The following ALG1 variants were observed in gnomAD, a reference collection of about 807,000 sequenced individuals.
The protein encoded by ALG1 is chitobiosyldiphosphodolichol beta-mannosyltransferase.
ALG1 carries 58 observed loss-of-function variants against 55.1 expected under a neutral mutation model. The observed-to-expected ratio is 1.05, with a 90% CI of 0.85 to 1.31. ALG1 has a LOEUF of 1.31. Among genes scored for constraint, ALG1 ranks in the 50% most tolerant of loss-of-function variants. The pLI, the probability that ALG1 is intolerant of heterozygous loss-of-function variation, is 0.00. For synonymous variants in ALG1, 309 were observed against 247.0 expected (o/e 1.25, Z -2.35); for missense variants, 761 against 598.6 (o/e 1.27, Z -2.83).
At chr16:5,074,627 G>T (rs778507275) in intron 3 of ALG1, among the ~76,000 whole-genome samples, 90 of 152,284 alleles carry the variant, frequency 5.9e-4, no homozygotes, top group Non-Finnish European at 1.1e-3. Flanking sequence ...TTCTTTCTTA[G>T]GGTAACTTCC....
intron 9 of ALG1, 133 bp downstream of exon 9, chr16:5,079,940 C>G: frequency 8.3e-7 from 1 of 1,211,516 alleles, no homozygotes; most frequent in South Asian, 1.3e-5. Context: ...GGGTCTTATA[C>G]TGCTTGACAT....
At chr16:5,083,638 G>A (rs568340438) in intron 11 of ALG1, 44 bp from the exon 12 acceptor site, 9 of 1,600,266 alleles carry the variant, frequency 5.6e-6, no homozygotes, top group African/African-American at 4.0e-5. Context: ...GGGGTCTGGT[G>A]TCTTCTACAG....
chr16:5,076,662 A>G (rs1410295792), intron 4 of ALG1, among the ~76,000 whole-genome samples: 3 of 152,206 alleles, frequency 2.0e-5, no homozygotes, highest in Non-Finnish European at 4.4e-5. Flanking sequence ...AGTCTCCGTT[A>G]GGAGAGAATG....
At chr16:5,084,366 T>C (rs1957074516) in intron 12 of ALG1, 2 of 405,662 alleles carry the variant, frequency 4.9e-6, no homozygotes, top group Non-Finnish European at 9.3e-6. Flanking sequence ...CTGCAGGCTG[T>C]AGTTTGTGAT....
intron 3 of ALG1, 190 bp downstream of exon 3, chr16:5,073,446 G>A: frequency 1.6e-6 from 1 of 639,584 alleles, no homozygotes; most frequent in South Asian, 1.8e-5. Context: ...ATTACAGATA[G>A]TCTTACATTG....
chr16:5,083,077 T>C (rs528701458), intron 11 of ALG1, among the ~76,000 whole-genome samples: 4 of 152,318 alleles, frequency 2.6e-5, no homozygotes, highest in Admixed American at 6.5e-5. Context: ...ATGTCCCTTT[T>C]GGCCAAGCTC....
At chr16:5,078,317 C>G in intron 6 of ALG1, 1 of 623,064 alleles carries the variant, frequency 1.6e-6, no homozygotes, top group Non-Finnish European at 3.0e-6. Flanking sequence ...TGGACCCCTG[C>G]GCTGTCTTAC....
rs34927441 is a variant in ALG1 at position 5,080,073 on chromosome 16, C to CTT, written c.961+281_961+282dup. On this transcript the variant is annotated intron_variant, in intron 9 of 12. Transcript: ENST00000262374. ...TTTGTTGTTGTTACGTCATTGGTGT[C>CTT]TTTTTTTTTTTTTTTTGAGACAGAG... Among the ~76,000 whole-genome samples the CTT allele has an allele frequency of 3.8e-3, 515 of 134,558 alleles. 3 individuals are homozygous for CTT. The highest frequency in any genetic ancestry group is 0.012 in the African/African-American group (427 of 36,484). The allele number at this position is 134,558 out of a possible 152,430, so 88.3% of individuals were successfully genotyped here.
At position 5,073,247 on chromosome 16, in the gene ALG1, C is replaced by G. The variant is rs746166207; in HGVS notation, c.381C>G (p.Ile127Met). 1.2e-6 allele frequency: 2 copies of G among 1,614,026 alleles called. No individual in the cohort carries two copies. The highest frequency in any genetic ancestry group is 1.7e-5 in the Admixed American group (1 of 60,024). Reference sequence around the variant, plus strand: ...TGTGGAGGGAGCCAGGTGCCTATATCTTTCTCCAGGTGTGTATCAGCCTCT... The same window carrying G: ...TGTGGAGGGAGCCAGGTGCCTATATGTTTCTCCAGGTGTGTATCAGCCTCT... ...KLMWREPGAY[I>M]FLQNPPGLPS... Residue 127 changes from isoleucine (I) to methionine (M), a missense_variant, in exon 3 of 13, where the codon ATC becomes ATG. Transcript: ENST00000262374.
chr16:5,078,321 G>A (rs1255720336), intron 6 of ALG1: 8 of 618,248 alleles, frequency 1.3e-5, no homozygotes, highest in Non-Finnish European at 2.4e-5. Flanking sequence ...CCCCTGCGCT[G>A]TCTTACTCTC....
intron 8 of ALG1, 21 bp downstream of exon 8, chr16:5,079,123 A>C: frequency 6.3e-7 from 1 of 1,595,220 alleles, no homozygotes; most frequent in Non-Finnish European, 8.5e-7. Flanking sequence ...GGCTGCGGTG[A>C]GGAGCTCTGG....
chr16:5,081,103 TGGGCGGG>T, intron 10 of ALG1, 47 bp downstream of exon 10: 2 of 301,474 alleles, frequency 6.6e-6, no homozygotes, highest in Non-Finnish European at 1.2e-5. Context: ...GGGAACAGGG[TGGGCGGG>T]ATGTACTTTT....
chr16:5,073,279 C>G lies in ALG1; in HGVS notation c.390+23C>G, dbSNP rs776328938. The G allele has an allele frequency of 3.8e-6, 6 of 1,599,502 alleles. No homozygotes were observed. The Admixed American group carries it at 8.3e-5, about 22-fold the overall frequency. On this transcript the variant is annotated intron_variant, in intron 3 of 12. Coordinates refer to ENST00000262374, the MANE Select transcript of ALG1 (RefSeq NM_019109.5). ...CAGGTGTGTATCAGCCTCTGCCTCC[C>G]TCTGTGAGAGCCATGTTAGCAGTTT... is the stretch of plus-strand genomic sequence containing the variant.
chr16:5,087,303 A>G lies in ALG1; in HGVS notation c.*2422A>G, dbSNP rs1321821724. The G allele has an allele frequency of 6.6e-6, 1 of 152,222 alleles. No homozygotes were observed. Among genetic ancestry groups the G allele is most frequent in the Non-Finnish European group, 1.5e-5 (1 of 68,042 alleles). 9.4% of individuals were successfully genotyped at this position (152,222 alleles called of 1,614,324 possible). On this transcript the variant is annotated 3_prime_UTR_variant, in exon 13 of 13. Transcript: ENST00000262374. ...GCCGCAAGTTGGACAAGACTGCTAT[A>G]TGTATATTCTAGGTTTTCCCCTATA... is the stretch of plus-strand genomic sequence containing the variant.
chr16:5,074,965 C>A (rs925390326), intron 3 of ALG1, among the ~76,000 whole-genome samples: 1 of 152,176 alleles, frequency 6.6e-6, no homozygotes, highest in Non-Finnish European at 1.5e-5. Flanking sequence ...TGCAGTGGCA[C>A]AATCATAGCT....
Position 5,079,227 on chromosome 16 carries a change from G to C in ALG1, c.901+125G>C, listed in dbSNP as rs1596257976. ...GGGTGGGGCAGCCTGGGGACAGCGGGGGTGGTGGAAGTGGGCCGCCCTGAA... is the reference window on the plus strand; with the variant it reads ...GGGTGGGGCAGCCTGGGGACAGCGGCGGTGGTGGAAGTGGGCCGCCCTGAA... On this transcript the variant is annotated intron_variant, in intron 8 of 12. Transcript: ENST00000262374. 18 of 1,342,032 alleles carry C rather than the reference G, an allele frequency of 1.3e-5. No individual in the cohort carries two copies. In the Admixed American group the frequency reaches 2.6e-4, roughly 19 times the overall value. 83.1% of individuals were successfully genotyped at this position (1,342,032 alleles called of 1,614,324 possible).
At position 5,085,024 on chromosome 16, in the gene ALG1, A is replaced by T; in HGVS notation, c.*143A>T. On this transcript the variant is annotated 3_prime_UTR_variant, in exon 13 of 13. Coordinates refer to ENST00000262374, the MANE Select transcript of ALG1 (RefSeq NM_019109.5). The stretch of plus-strand genomic sequence containing the variant: ...CAGCAGTGGTACTGCCTGGTAAAAG[A>T]ATTGGTTCTGTGACCCGGGAAGCTT... 6.8e-7 allele frequency: 1 copy of T among 1,474,302 alleles called. No individual in the cohort carries two copies. Among genetic ancestry groups the T allele is most frequent in the Non-Finnish European group, 9.3e-7 (1 of 1,080,758 alleles). The allele number at this position is 1,474,302 out of a possible 1,614,324, so 91.3% of individuals were successfully genotyped here. A position where few individuals can be genotyped will look rare whatever the true frequency, so the allele number is the denominator to read the frequency against.
chr16:5,077,303 A>G, intron 4 of ALG1, 142 bp from the exon 5 acceptor site: 1 of 753,816 alleles, frequency 1.3e-6, no homozygotes. Context: ...GCATAAAGAA[A>G]GAACACTGGC....
chr16:5,079,414 G>A (rs1956977456), intron 8 of ALG1, among the ~76,000 whole-genome samples: 1 of 152,198 alleles, frequency 6.6e-6, no homozygotes, highest in Non-Finnish European at 1.5e-5. Flanking sequence ...TTCTGAATGG[G>A]CATGGTGGCT....
Sources: gnomAD v4.1 joint callset for allele counts (sites outside exome capture counted in the v4.1 genomes callset) on GRCh38, gnomAD v4.1.1 for gene constraint, MANE v1.5 for transcripts, NCBI Gene and HGNC (gene_info 2026-07-23, HGNC 2026-07-21) for gene names.